Variants in SPATS2L observed in about 807,000 individuals in gnomAD.
SPATS2L encodes the protein SPATS2-like protein.
SPATS2L carries 30 observed loss-of-function variants against 59.6 expected under a neutral mutation model. The observed-to-expected ratio is 0.50, with a 90% CI of 0.38 to 0.68. The LOEUF is 0.68. Among genes scored for constraint, SPATS2L ranks in the 30% least tolerant of loss-of-function variants. The pLI is 0.00. For synonymous variants in SPATS2L, 252 were observed against 263.5 expected, an observed-to-expected ratio of 0.96 and a Z score of 0.42; for missense variants, 615 against 700.0, an observed-to-expected ratio of 0.88 and a Z score of 1.37.
chr2:200,464,473 A>G (rs1303021296), intron 9 of SPATS2L, among the ~76,000 whole-genome samples: 1 of 152,184 alleles, frequency 6.6e-6, no homozygotes, highest in Non-Finnish European at 1.5e-5. Context: ...TTTGTTTGGT[A>G]TGAATGCCCA....
chr2:200,403,767 C>T (rs747397680), intron 3 of SPATS2L, among the ~76,000 whole-genome samples: 4 of 152,112 alleles, frequency 2.6e-5, no homozygotes, highest in African/African-American at 4.8e-5. Flanking sequence ...CCATGCCGAT[C>T]GGCACCGTAA....
intron 2 of SPATS2L, among the ~76,000 whole-genome samples, chr2:200,365,399 C>G (rs969763361): frequency 6.6e-6 from 1 of 152,096 alleles, no homozygotes; most frequent in African/African-American, 2.4e-5. Context: ...AGCAATATGA[C>G]CACTGTGGGG....
chr2:200,347,836 A>G (rs192565211), intron 2 of SPATS2L, among the ~76,000 whole-genome samples: 10 of 152,384 alleles, frequency 6.6e-5, no homozygotes, highest in African/African-American at 2.4e-4. Flanking sequence ...AGATTCATTT[A>G]TAGTAAACGA....
chr2:200,306,120 T>G, upstream of SPATS2L: 1 of 987,936 alleles, frequency 1.0e-6, no homozygotes, highest in Middle Eastern at 4.6e-4. Context: ...TTCCAAGGGC[T>G]GACCCGAGCT....
At chr2:200,469,299 C>T (rs886210176) in intron 10 of SPATS2L, among the ~76,000 whole-genome samples, 2 of 152,160 alleles carry the variant, frequency 1.3e-5, no homozygotes, top group African/African-American at 4.8e-5. Context: ...TTTTCCTTGC[C>T]ATTGCTAAAC....
At chr2:200,381,732 A>T (rs1187330906) in intron 2 of SPATS2L, among the ~76,000 whole-genome samples, 1 of 152,162 alleles carries the variant, frequency 6.6e-6, no homozygotes, top group African/African-American at 2.4e-5. Context: ...GGCATAATTG[A>T]CTTCCTACGC....
intron 8 of SPATS2L, among the ~76,000 whole-genome samples, chr2:200,458,254 TA>T (rs1412294422): frequency 6.6e-6 from 1 of 152,166 alleles, no homozygotes; most frequent in Non-Finnish European, 1.5e-5. Context: ...GCAAACCCTA[TA>T]AAATCTAGGC....
intron 6 of SPATS2L, among the ~76,000 whole-genome samples, chr2:200,425,989 AACTT>A (rs1264964033): frequency 1.3e-5 from 2 of 152,086 alleles, no homozygotes; most frequent in East Asian, 3.8e-4. Context: ...CTCTCATGCC[AACTT>A]ACAGTGGTCT....
chr2:200,388,653 C>A (rs1434581853), intron 2 of SPATS2L, among the ~76,000 whole-genome samples: 1 of 143,920 alleles, frequency 6.9e-6, no homozygotes, highest in Non-Finnish European at 1.5e-5. Flanking sequence ...AAAGGAACAA[C>A]CCTGCAAAGA....
At chr2:200,365,707 A>G (rs2081247725) in intron 2 of SPATS2L, among the ~76,000 whole-genome samples, 1 of 152,116 alleles carries the variant, frequency 6.6e-6, no homozygotes, top group African/African-American at 2.4e-5. Flanking sequence ...TAAACCTGAC[A>G]TCCACCTGGA....
intron 10 of SPATS2L, 116 bp downstream of exon 10, chr2:200,467,515 C>G: frequency 1.4e-6 from 1 of 696,418 alleles, no homozygotes; most frequent in Non-Finnish European, 2.5e-6. Flanking sequence ...ACCCAGCTCT[C>G]TTCCACAGGG....
intron 3 of SPATS2L, among the ~76,000 whole-genome samples, chr2:200,406,993 A>G (rs1000912218): frequency 7.9e-5 from 12 of 152,182 alleles, no homozygotes; most frequent in Non-Finnish European, 1.3e-4. Context: ...CTCTAAGAAG[A>G]AGGGTAGACA....
chr2:200,430,299 C>T (rs904226235), intron 6 of SPATS2L, among the ~76,000 whole-genome samples: 3 of 151,878 alleles, frequency 2.0e-5, no homozygotes, highest in African/African-American at 7.3e-5. Flanking sequence ...TTGTAAGTTG[C>T]TATGTTGCTT....
At chr2:200,363,996 G>A (rs1448849446) in intron 2 of SPATS2L, among the ~76,000 whole-genome samples, 2 of 152,154 alleles carry the variant, frequency 1.3e-5, no homozygotes, top group East Asian at 3.8e-4. Context: ...GATTCTTGGA[G>A]AGTGAAAAAA....
At chr2:200,398,406 A>C (rs1424508972) in intron 3 of SPATS2L, among the ~76,000 whole-genome samples, 2 of 152,232 alleles carry the variant, frequency 1.3e-5, no homozygotes, top group Non-Finnish European at 2.9e-5. Flanking sequence ...TAAAGTAAAT[A>C]GTAAATTAAA....
rs1455913608 is a variant in SPATS2L at position 200,396,735 on chromosome 2, AAGTGCAAACCATGGAAGCTTT to A, written c.39+7453_39+7473del. 1.4e-4 allele frequency among the ~76,000 whole-genome samples: 22 copies of A among 152,198 alleles called. 1 individual carries two copies. Among genetic ancestry groups the A allele is most frequent in the Non-Finnish European group, 7.3e-5 (5 of 68,042 alleles). Reference sequence around the variant, plus strand: ...TTTTAATGCTAAGTAGTTGTTTTGAAAGTGCAAACCATGGAAGCTTTGGGGAAAAATTTGCAGGAGTGTAGA... The same window carrying A: ...TTTTAATGCTAAGTAGTTGTTTTGAAGGGGAAAAATTTGCAGGAGTGTAGA... On this transcript the variant is annotated intron_variant, in intron 3 of 12. Transcript: ENST00000409140.
At chr2:200,390,512 A>G (rs2082137977) in intron 3 of SPATS2L, 1 of 152,480 alleles carries the variant, frequency 6.6e-6, no homozygotes, top group Admixed American at 6.5e-5. Flanking sequence ...TTTGATTGAG[A>G]TAAAGATGGG....
At chr2:200,340,984 A>C (rs1168129701) in intron 2 of SPATS2L, among the ~76,000 whole-genome samples, 1 of 152,218 alleles carries the variant, frequency 6.6e-6, no homozygotes, top group African/African-American at 2.4e-5. Flanking sequence ...TGTTAAAGAT[A>C]AGGATAGCGC....
At chr2:200,468,734 A>G (rs1186888009) in intron 10 of SPATS2L, among the ~76,000 whole-genome samples, 2 of 152,144 alleles carry the variant, frequency 1.3e-5, no homozygotes, top group African/African-American at 2.4e-5. Flanking sequence ...TAAACTCCCA[A>G]AGCAGATCTG....
Sources: allele counts gnomAD v4.1 joint callset (sites outside exome capture counted in the v4.1 genomes callset), GRCh38; gene constraint gnomAD v4.1.1; transcripts MANE v1.5; gene names NCBI Gene and HGNC (gene_info 2026-07-23, HGNC 2026-07-21).